The following LMOD1 variants were observed in gnomAD, a reference collection of about 807,000 sequenced individuals.
The protein encoded by LMOD1 is leiomodin 1.
LMOD1 carries 8 observed loss-of-function variants against 36.5 expected under a neutral mutation model. The observed-to-expected ratio is 0.22, with a 90% CI of 0.13 to 0.40. LMOD1 has a LOEUF of 0.40. Among genes scored for constraint, LMOD1 ranks in the 10% least tolerant of loss-of-function variants. LMOD1 has a pLI of 1.00. For missense variants in LMOD1, 630 were observed against 751.1 expected (o/e 0.84, Z 1.88); for synonymous variants, 284 against 288.7 (o/e 0.98, Z 0.17).
chr1:201,918,303 A>G (rs571210930), intron 1 of LMOD1, among the ~76,000 whole-genome samples: 2 of 152,152 alleles, frequency 1.3e-5, no homozygotes, highest in East Asian at 1.9e-4. Flanking sequence ...TGCGGCCTCC[A>G]TCATCTCTTG....
chr1:201,929,559 TAA>T (rs764759161), intron 1 of LMOD1, among the ~76,000 whole-genome samples: 5 of 152,194 alleles, frequency 3.3e-5, no homozygotes, highest in South Asian at 2.1e-4. Flanking sequence ...TGGTTATTTT[TAA>T]AAAGAGGATA....
chr1:201,898,820 A>C lies in LMOD1; in HGVS notation c.1776+417T>G, dbSNP rs114902849. 6.7e-3 allele frequency among the ~76,000 whole-genome samples: 1,013 copies of C among 152,272 alleles called. 19 individuals carry two copies. The highest frequency in any genetic ancestry group is 0.023 in the African/African-American group (965 of 41,558). On this transcript the variant is annotated intron_variant, in intron 2 of 2. Transcript: ENST00000367288. The stretch of plus-strand genomic sequence containing the variant: ...TCCCAGAGACCTTTCGGATGGACTG[A>C]CCTGTAGGACTTGGCTGGTCCTGAG...
intron 1 of LMOD1, among the ~76,000 whole-genome samples, chr1:201,924,385 G>A (rs1571585867): frequency 7.2e-6 from 1 of 138,154 alleles, no homozygotes; most frequent in Non-Finnish European, 1.6e-5. Context: ...GGGAGGGAAG[G>A]AAGGAAGGAA....
chr1:201,901,793 T>G (rs1681331191), intron 1 of LMOD1, among the ~76,000 whole-genome samples: 1 of 147,134 alleles, frequency 6.8e-6, no homozygotes, highest in Non-Finnish European at 1.5e-5. Flanking sequence ...CCCTTCACCT[T>G]AGTCCTGGCC....
At chr1:201,907,046 G>A (rs903836159) in intron 1 of LMOD1, among the ~76,000 whole-genome samples, 6 of 152,208 alleles carry the variant, frequency 3.9e-5, no homozygotes, top group African/African-American at 1.4e-4. Flanking sequence ...AGACATCAAA[G>A]ATTCAGATCT....
intron 1 of LMOD1, among the ~76,000 whole-genome samples, chr1:201,903,710 G>T (rs1299076405): frequency 1.3e-5 from 2 of 152,090 alleles, no homozygotes; most frequent in Non-Finnish European, 2.9e-5. Flanking sequence ...GAGCTGGAGG[G>T]ACCAGCCTCT....
intron 1 of LMOD1, among the ~76,000 whole-genome samples, chr1:201,924,423 G>GGGAAGGAA (rs559978622): frequency 4.7e-5 from 1 of 21,502 alleles, no homozygotes; most frequent in Non-Finnish European, 8.2e-5. Flanking sequence ...GAGGGAGGAA[G>GGGAAGGAA]GGAAGGAAGG....
At chr1:201,936,834 G>A (rs979744097) in intron 1 of LMOD1, among the ~76,000 whole-genome samples, 6 of 152,118 alleles carry the variant, frequency 3.9e-5, no homozygotes, top group Non-Finnish European at 5.9e-5. Context: ...CACCTACTCG[G>A]GAGGCTGAGG....
chr1:201,907,816 G>A (rs1016544396), intron 1 of LMOD1, among the ~76,000 whole-genome samples: 2 of 152,054 alleles, frequency 1.3e-5, no homozygotes, highest in Non-Finnish European at 2.9e-5. Context: ...GGCCTTGCTC[G>A]TTCATCCATT....
chr1:201,926,359 C>G (rs1322101883), intron 1 of LMOD1, among the ~76,000 whole-genome samples: 1 of 152,088 alleles, frequency 6.6e-6, no homozygotes, highest in Non-Finnish European at 1.5e-5. Context: ...AGTGTGTTAA[C>G]TGTTCTGTTT....
chr1:201,915,885 G>A (rs1268243178), intron 1 of LMOD1, among the ~76,000 whole-genome samples: 1 of 152,034 alleles, frequency 6.6e-6, no homozygotes, highest in Admixed American at 6.6e-5. Flanking sequence ...CCTTGCTGAA[G>A]GCCAGACCCA....
intron 1 of LMOD1, among the ~76,000 whole-genome samples, chr1:201,906,089 CT>C (rs1681406270): frequency 6.6e-6 from 1 of 152,236 alleles, no homozygotes; most frequent in South Asian, 2.1e-4. Flanking sequence ...TCTATGGGGT[CT>C]CCAAACTCTG....
At chr1:201,925,310 T>C (rs2790906) in intron 1 of LMOD1, among the ~76,000 whole-genome samples, 2,528 of 152,148 alleles carry the variant, frequency 0.017, 44 homozygotes, top group Non-Finnish European at 0.026. Context: ...AAAATTTACC[T>C]CCCCTGTCTA....
intron 1 of LMOD1, among the ~76,000 whole-genome samples, chr1:201,925,351 G>A (rs1681810722): frequency 6.6e-6 from 1 of 152,174 alleles, no homozygotes; most frequent in South Asian, 2.1e-4. Flanking sequence ...GATCAAAAGA[G>A]ATAACGTATG....
At chr1:201,925,592 G>A (rs1681815406) in intron 1 of LMOD1, among the ~76,000 whole-genome samples, 1 of 151,760 alleles carries the variant, frequency 6.6e-6, no homozygotes, top group African/African-American at 2.4e-5. Flanking sequence ...CCCTGTAGAA[G>A]CAGGAGGATG....
At chr1:201,920,088 T>A (rs1368780694) in intron 1 of LMOD1, among the ~76,000 whole-genome samples, 1 of 144,304 alleles carries the variant, frequency 6.9e-6, no homozygotes, top group Non-Finnish European at 1.5e-5. Flanking sequence ...CCAAGTTTTG[T>A]TCTTGTCACC....
chr1:201,919,622 G>A (rs1681667268), intron 1 of LMOD1, among the ~76,000 whole-genome samples: 1 of 152,182 alleles, frequency 6.6e-6, no homozygotes, highest in Admixed American at 6.5e-5. Flanking sequence ...TGTAGGTATT[G>A]GGTCCTCTCC....
chr1:201,924,104 C>T lies in LMOD1; in HGVS notation c.261+21976G>A, dbSNP rs571268037. ...GGCCGAGGCGGGCAGATCACGAGGT[C>T]AGGAGATCAAGACCATCCTGGCTAA... On this transcript the variant is annotated intron_variant, in intron 1 of 2. Coordinates refer to ENST00000367288, the MANE Select transcript of LMOD1 (RefSeq NM_012134.3). 4.0e-5 allele frequency among the ~76,000 whole-genome samples: 6 copies of T among 150,532 alleles called. 1 individual carries two copies. The South Asian group carries it at 1.3e-3, about 32-fold the overall frequency.
chr1:201,899,314 G>A lies in LMOD1; in HGVS notation c.1699C>T (p.Leu567Phe). 1.1e-5 allele frequency: 18 copies of A among 1,611,396 alleles called. No homozygotes were observed. Among genetic ancestry groups the A allele is most frequent in the Non-Finnish European group, 1.4e-5 (17 of 1,178,642 alleles). The change falls in exon 2 of 3, where the codon CTC becomes TTC. Residue 567 changes from leucine to phenylalanine, a missense_variant. By Grantham distance (22) the Leu-to-Phe change is conservative. Coordinates refer to ENST00000367288, the MANE Select transcript of LMOD1 (RefSeq NM_012134.3). This position sits in a 1 kb window ranked among gnomAD's most constrained non-coding sequence, Gnocchi z 6.3. ...ATQRKMGDKV[L>F]PAQEKNSRDQ... ...CGGGAGTTCTTCTCCTGGGCAGGGAGGACTTTGTCTCCCATCTTCCTCTGG... is the reference window on the plus strand; with the variant it reads ...CGGGAGTTCTTCTCCTGGGCAGGGAAGACTTTGTCTCCCATCTTCCTCTGG...
Sources: gnomAD v4.1 joint callset for allele counts (sites outside exome capture counted in the v4.1 genomes callset) on GRCh38, gnomAD v4.1.1 for gene constraint, Gnocchi (gnomAD v3.1) non-coding constraint, MANE v1.5 for transcripts, NCBI Gene and HGNC (gene_info 2026-07-23, HGNC 2026-07-21) for gene names.